The following PCID2 variants were observed in gnomAD, a reference collection of about 807,000 sequenced individuals.
PCID2 encodes the protein PCI domain containing 2.
Under a neutral mutation model 61.3 loss-of-function variants are expected in PCID2, and 41 were observed. The observed-to-expected ratio is 0.67, with a 90% CI of 0.52 to 0.87. The LOEUF (loss-of-function observed/expected upper bound fraction) is 0.87, where lower values mean the gene tolerates loss of function less well. Among genes scored for constraint, PCID2 ranks in the 40% least tolerant of loss-of-function variants. PCID2 has a pLI of 0.00. For missense variants in PCID2, 392 were observed against 493.4 expected, an observed-to-expected ratio of 0.79 and a Z score of 1.95; for synonymous variants, 187 against 177.8, an observed-to-expected ratio of 1.05 and a Z score of -0.41.
intron 7 of PCID2, among the ~76,000 whole-genome samples, chr13:113,189,117 C>T (rs1286353186): frequency 2.0e-5 from 3 of 151,932 alleles, no homozygotes; most frequent in African/African-American, 7.3e-5. Context: ...GTGAGCGTTC[C>T]CAGACAGCTG....
intron 1 of PCID2, among the ~76,000 whole-genome samples, chr13:113,201,034 C>T (rs1357427951): frequency 1.3e-5 from 2 of 152,170 alleles, no homozygotes; most frequent in Non-Finnish European, 2.9e-5. Context: ...TCTAATTTTA[C>T]TCAATCACAC....
intron 7 of PCID2, chr13:113,187,409 C>G (rs1391932925): frequency 1.3e-5 from 2 of 152,358 alleles, no homozygotes; most frequent in Admixed American, 6.5e-5. Context: ...CATTTCCGCA[C>G]AGCAGCTGCA....
At chr13:113,171,772 C>A in the PCID2 span, 2 of 1,612,584 alleles carry the variant, frequency 1.2e-6, no homozygotes, top group Non-Finnish European at 1.7e-6. The surrounding 1 kb of genome is among the most constrained non-coding windows in gnomAD (Gnocchi z 5.1). Flanking sequence ...TCGCTGAGCA[C>A]CTCCTCATCC....
downstream of PCID2, among the ~76,000 whole-genome samples, chr13:113,176,020 C>T (rs531542836): frequency 1.7e-4 from 26 of 152,376 alleles, no homozygotes; most frequent in African/African-American, 4.6e-4. Flanking sequence ...CAAGCTTCCC[C>T]GCCCAGCCCG....
chr13:113,175,989 T>C (rs993998240), downstream of PCID2, among the ~76,000 whole-genome samples: 1 of 152,212 alleles, frequency 6.6e-6, no homozygotes, highest in African/African-American at 2.4e-5. Context: ...AAGAGGCCCA[T>C]TCGGGCCCCA....
At chr13:113,196,344 C>A in intron 4 of PCID2, 122 bp from the exon 5 acceptor site, 1 of 690,850 alleles carries the variant, frequency 1.4e-6, no homozygotes. Flanking sequence ...TATGTTGCAA[C>A]AATAGTAAGT....
In PCID2 at chr13:113,180,010, A is replaced by G. The variant is rs755878678; in HGVS notation, c.893T>C (p.Leu298Pro). 1.9e-6 allele frequency: 3 copies of G among 1,614,156 alleles called. No individual in the cohort carries two copies. Among genetic ancestry groups the G allele is most frequent in the East Asian group, 4.5e-5 (2 of 44,870 alleles). ...EGNLLLLHEA[L>P]AKHEAFFIRC... ...AATGAAGAAGGCCTCGTGCTTCGCC[A>G]GCGCCTCGTGCAGCAGCAGCAGGTT... The change falls in exon 12 of 14, where the codon CTG (leucine) becomes CCG (proline). Residue 298 changes from leucine to proline, a missense_variant. Leu to Pro is a moderately conservative substitution (Grantham distance 98). Transcript: ENST00000337344.
At chr13:113,176,467 A>G (rs7323626), downstream of PCID2, among the ~76,000 whole-genome samples, 27,403 of 33,968 alleles carry the variant, frequency 0.81, 12,103 homozygotes, top group Middle Eastern at 0.99. Flanking sequence ...CTGTGGCCTT[A>G]TAAGAGGAAG....
At chr13:113,195,337 C>T (rs554125598) in intron 5 of PCID2, among the ~76,000 whole-genome samples, 1 of 152,300 alleles carries the variant, frequency 6.6e-6, no homozygotes, top group Non-Finnish European at 1.5e-5. Context: ...CAATGCGGTG[C>T]TCCACACCCC....
Position 113,206,105 on chromosome 13 carries a change from T to C in PCID2, c.36+2494A>G, listed in dbSNP as rs559890735. On this transcript the variant is annotated intron_variant, in intron 1 of 13. Coordinates refer to ENST00000337344, the MANE Select transcript of PCID2 (RefSeq NM_001127202.4). ...AGGAAACAGAGAGTCAATGAAGTTT[T>C]AGTAACAGAGGCAGATGCTCAACTC... 7.9e-5 allele frequency among the ~76,000 whole-genome samples: 12 copies of C among 152,354 alleles called. 1 individual carries two copies. The highest frequency in any genetic ancestry group is 2.9e-4 in the African/African-American group (12 of 41,580).
chr13:113,191,770 A>C (rs879903660), intron 6 of PCID2, among the ~76,000 whole-genome samples: 1 of 152,150 alleles, frequency 6.6e-6, no homozygotes, highest in African/African-American at 2.4e-5. Flanking sequence ...TATTCACAAC[A>C]ACACTAAGCC....
intron 8 of PCID2, 141 bp from the exon 9 acceptor site, chr13:113,184,628 CAG>C (rs2037934109): frequency 1.6e-6 from 1 of 612,616 alleles, no homozygotes; most frequent in Middle Eastern, 4.4e-4. Context: ...AAAACCAAAA[CAG>C]AGAGCAGCCA....
chr13:113,168,849 G>A, the PCID2 span, among the ~76,000 whole-genome samples: 7 of 152,150 alleles, frequency 4.6e-5, no homozygotes, highest in African/African-American at 1.2e-4. Flanking sequence ...CCACCTCAGC[G>A]TCTTGAGTAG....
chr13:113,194,788 G>T (rs1467496522), intron 6 of PCID2, among the ~76,000 whole-genome samples: 1 of 152,142 alleles, frequency 6.6e-6, no homozygotes, highest in East Asian at 1.9e-4. Context: ...ATTTGTTGTT[G>T]TTCCACTCAC....
chr13:113,193,084 AC>A (rs1196314475), intron 6 of PCID2, among the ~76,000 whole-genome samples: 10 of 152,174 alleles, frequency 6.6e-5, no homozygotes, highest in African/African-American at 2.4e-4. Context: ...GAACTATGAG[AC>A]ATAAATGCTT....
Position 113,190,628 on chromosome 13 carries a change from T to C in PCID2, c.467+244A>G, listed in dbSNP as rs138008555. ...GGAAATGGCACTAGACGGAAACTGG[T>C]TCCTGCAGAGAGGAGCTCCAGGCAT... is the stretch of plus-strand genomic sequence containing the variant. On this transcript the variant is annotated intron_variant, in intron 7 of 13. Transcript: ENST00000337344. The C allele has an allele frequency of 1.3e-4, 44 of 346,040 alleles. No homozygotes were observed. In the East Asian group the frequency reaches 2.0e-3, roughly 16 times the overall value. The allele number at this position is 346,040 out of a possible 1,614,324, so 21.4% of individuals were successfully genotyped here.
the PCID2 span, chr13:113,165,082 G>A: frequency 6.2e-7 from 1 of 1,613,022 alleles, no homozygotes; most frequent in South Asian, 1.1e-5. Context: ...GCTGACCTCT[G>A]AGAAGCGTGC....
intron 9 of PCID2, chr13:113,183,878 C>T (rs536989998): frequency 4.0e-5 from 39 of 985,458 alleles, no homozygotes; most frequent in Middle Eastern, 5.2e-4. Flanking sequence ...ACACACTGCA[C>T]GAGGCTGTTT....
At chr13:113,203,458 G>A (rs1185948534) in intron 1 of PCID2, among the ~76,000 whole-genome samples, 2 of 152,230 alleles carry the variant, frequency 1.3e-5, no homozygotes, top group African/African-American at 4.8e-5. Flanking sequence ...AAGGTAGACA[G>A]ACAGATACTA....
Sources: allele counts gnomAD v4.1 joint callset (sites outside exome capture counted in the v4.1 genomes callset), GRCh38; gene constraint gnomAD v4.1.1; non-coding constraint Gnocchi (gnomAD v3.1); transcripts MANE v1.5; gene names NCBI Gene and HGNC (gene_info 2026-07-23, HGNC 2026-07-21).